ADAM8: variants seen among roughly 807,000 people sequenced by gnomAD.
ADAM8 encodes the protein ADAM metallopeptidase domain 8, also known as disintegrin and metalloproteinase domain-containing protein 8.
A neutral mutation model predicts 102.4 loss-of-function variants in ADAM8; 104 were observed. The observed-to-expected ratio is 1.02, with a 90% CI of 0.87 to 1.20. The LOEUF (loss-of-function observed/expected upper bound fraction) is 1.20. ADAM8 is among the 50% of genes most tolerant of loss of function. ADAM8 has a pLI of 0.00. For missense variants in ADAM8, 1,132 were observed against 1,159.0 expected (o/e 0.98, Z 0.34); for synonymous variants, 517 against 485.2 (o/e 1.07, Z -0.86).
chr10:133,264,278 C>G (rs1002891218), intron 21 of ADAM8, among the ~76,000 whole-genome samples: 4 of 151,954 alleles, frequency 2.6e-5, no homozygotes, highest in Admixed American at 2.0e-4. Flanking sequence ...CCAGGCTGGT[C>G]TTGAACTCCT....
In ADAM8 at chr10:133,268,926, T is replaced by A. The variant is rs1589804392; in HGVS notation, c.1949-64A>T. On this transcript the variant is annotated intron_variant, in intron 18 of 22. Coordinates refer to ENST00000445355, the MANE Select transcript of ADAM8 (RefSeq NM_001109.5). Reference sequence around the variant, plus strand: ...CGACCTCAGGCAGGAGCCAGGGAGGTTCCCAGAGACACGGTCTTTCTCAGC... The same window carrying A: ...CGACCTCAGGCAGGAGCCAGGGAGGATCCCAGAGACACGGTCTTTCTCAGC... The A allele has an allele frequency of 4.5e-6, 7 of 1,562,678 alleles. No individual in the cohort carries two copies. The South Asian group carries it at 8.0e-5, about 18-fold the overall frequency.
At chr10:133,267,617 C>G (rs1846366633) in intron 20 of ADAM8, among the ~76,000 whole-genome samples, 200 bp from the exon 21 acceptor site, 1 of 152,232 alleles carries the variant, frequency 6.6e-6, no homozygotes. Flanking sequence ...GGCCGGAGAG[C>G]ATTTGTGTCT....
In ADAM8 at chr10:133,275,556, C is replaced by T. The variant is rs546199980; in HGVS notation, c.78G>A (p.Met26Ile). ...ACGGCAACACGACCTCATACTGCTC[C>T]ATGAGGGCCCAGGGCCGGCTGGGGG... ...AIAPSRPWAL[M>I]EQYEVVLPWR... The change falls in exon 2 of 23, where the codon ATG becomes ATA. Residue 26 changes from methionine (M) to isoleucine (I), a missense_variant. Coordinates refer to ENST00000445355, the MANE Select transcript of ADAM8 (RefSeq NM_001109.5). The T allele has an allele frequency of 2.7e-5, 41 of 1,503,462 alleles. No homozygotes were observed. The East Asian group carries it at 8.5e-4, about 31-fold the overall frequency. The allele number at this position is 1,503,462 out of a possible 1,614,324, so 93.1% of individuals were successfully genotyped here.
Position 133,273,300 on chromosome 10 carries a change from C to A in ADAM8, c.527G>T (p.Ser176Ile). The A allele has an allele frequency of 1.9e-6, 3 of 1,593,172 alleles. No homozygotes were observed. The highest frequency in any genetic ancestry group is 1.1e-5 in the South Asian group (1 of 88,528). ...TCGVSDDSLG[S>I]LLGPRTAAVF... ...GGCTGCCGTCCGGGGTCCCAGGAGG[C>A]TGCCCAGGCTGTCGTCGCTGACCCC... Residue 176 changes from serine (S) to isoleucine (I), a missense_variant, in exon 6 of 23, where the codon AGC (serine) becomes ATC (isoleucine). Coordinates refer to ENST00000445355, the MANE Select transcript of ADAM8 (RefSeq NM_001109.5).
Position 133,271,034 on chromosome 10 carries a change from C to T in ADAM8, c.1411G>A (p.Asp471Asn). Residue 471 changes from aspartate to asparagine, a missense_variant, in exon 14 of 23, where the codon GAC becomes AAC. Physicochemically the swap from Asp to Asn is conservative, Grantham distance 23. Coordinates refer to ENST00000445355, the MANE Select transcript of ADAM8 (RefSeq NM_001109.5). ...PAGELCRPKK[D>N]MCDLEEFCDG... ...CAGAACTCCTCGAGGTCACACATGT[C>T]CTTCTTGGGACGGCACAGCTCACCA... The T allele has an allele frequency of 6.2e-7, 1 of 1,612,674 alleles. No individual in the cohort carries two copies. The highest frequency in any genetic ancestry group is 8.5e-7 in the Non-Finnish European group (1 of 1,179,946).
chr10:133,265,661 G>A (rs550929422), intron 21 of ADAM8, among the ~76,000 whole-genome samples: 2 of 152,218 alleles, frequency 1.3e-5, no homozygotes, highest in South Asian at 4.2e-4. Flanking sequence ...GCCAGGCATG[G>A]TCGCGGGCAC....
At chr10:133,272,365 GCCC>G in intron 9 of ADAM8, 48 bp downstream of exon 9, 33 of 408,580 alleles carry the variant, frequency 8.1e-5, no homozygotes, top group Non-Finnish European at 1.0e-4. Context: ...ACCCCACCCT[GCCC>G]GCCCTCCCTC....
At chr10:133,266,805 G>A (rs888494908) in intron 21 of ADAM8, among the ~76,000 whole-genome samples, 3 of 152,140 alleles carry the variant, frequency 2.0e-5, no homozygotes, top group Non-Finnish European at 4.4e-5. Flanking sequence ...CTGCCCCCAC[G>A]GGGTCCAAAA....
chr10:133,276,746 C>A (rs1459763793), intron 1 of ADAM8, 26 bp downstream of exon 1: 1 of 1,532,206 alleles, frequency 6.5e-7, no homozygotes, highest in Admixed American at 2.0e-5. Flanking sequence ...GCGCTGCGCC[C>A]GGGACGGTTC....
chr10:133,263,185 G>A lies in ADAM8; in HGVS notation c.2446C>T (p.Gln816Ter), dbSNP rs775336305. The A allele has an allele frequency of 2.5e-6, 4 of 1,613,692 alleles. No homozygotes were observed. In the South Asian group the frequency reaches 4.4e-5, roughly 18 times the overall value. Residue 816 changes from glutamine (Q) to a stop codon, truncating the protein, a stop_gained, in exon 23 of 23, where the codon CAA becomes TAA. Transcript: ENST00000445355. LOFTEE classifies it low-confidence loss of function (END_TRUNC). ...VALKPPIQRK[Q>*]GAGAPTAP ...GGTGCTGTGGGAGCTCCGGCTCCTT[G>A]CTTCCTCTGGATGGGGGGCTTCAGG... is the stretch of plus-strand genomic sequence containing the variant.
In ADAM8 at chr10:133,270,984, C is replaced by G. The variant is rs149612742; in HGVS notation, c.1461G>C (p.Pro487=). The G allele has an allele frequency of 1.2e-6, 2 of 1,612,856 alleles. No homozygotes were observed. The highest frequency in any genetic ancestry group is 2.2e-5 in the South Asian group (2 of 91,090). Residue 487 remains proline, a synonymous_variant, in exon 14 of 23, where the codon CCG becomes CCC. Coordinates refer to ENST00000445355, the MANE Select transcript of ADAM8 (RefSeq NM_001109.5). ...EFCDGRHPEC[P]EDAFQENGTP... ...TGCCGTTCTCCTGGAAGGCGTCTTC[C>G]GGGCACTCAGGGTGCCGGCCGTCAC...
rs534723514 is a variant in ADAM8 at position 133,268,836 on chromosome 10, C to A, written c.1975G>T (p.Val659Leu). 9 of 1,609,716 alleles carry A rather than the reference C, an allele frequency of 5.6e-6. No homozygotes were observed. The African/African-American group carries it at 8.0e-5, about 14-fold the overall frequency. The change falls in exon 19 of 23, where the codon GTG (valine) becomes TTG (leucine). Residue 659 changes from valine to leucine, a missense_variant. Val to Leu is a conservative substitution (Grantham distance 32). Transcript: ENST00000445355. ...ACTGCCAGGAGCACCAGAACCACCA[C>A]CACGAAGACGGGGAGGCTCCCGGAC... is the stretch of plus-strand genomic sequence containing the variant. ...AASGSLPVFV[V>L]VVLVLLAVVL... is the part of the protein sequence containing the mutation.
chr10:133,272,122 T>G (rs758094306), intron 10 of ADAM8, 71 bp downstream of exon 10: 1 of 1,515,898 alleles, frequency 6.6e-7, no homozygotes, highest in Admixed American at 2.0e-5. Context: ...TCCAGAGACC[T>G]GGACCGAGGC....
At chr10:133,274,357 G>T in intron 2 of ADAM8, 122 bp from the exon 3 acceptor site, 3 of 752,702 alleles carry the variant, frequency 4.0e-6, no homozygotes, top group Non-Finnish European at 5.7e-6. Flanking sequence ...CCAGGTCAAG[G>T]CTCCATCCTG....
chr10:133,263,398 A>T (rs1348211078), intron 22 of ADAM8, among the ~76,000 whole-genome samples, 165 bp from the exon 23 acceptor site: 1 of 152,232 alleles, frequency 6.6e-6, no homozygotes, highest in Non-Finnish European at 1.5e-5. Context: ...TGGCAGTCAC[A>T]ATATATACAG....
chr10:133,271,004 C>A lies in ADAM8; in HGVS notation c.1441G>T (p.Gly481Cys). 1.9e-6 allele frequency: 3 copies of A among 1,612,834 alleles called. No individual in the cohort carries two copies. Among genetic ancestry groups the A allele is most frequent in the South Asian group, 1.1e-5 (1 of 91,088 alleles). The stretch of plus-strand genomic sequence containing the variant: ...TCTTCCGGGCACTCAGGGTGCCGGC[C>A]GTCACAGAACTCCTCGAGGTCACAC... ...DMCDLEEFCD[G>C]RHPECPEDAF... The change falls in exon 14 of 23, where the codon GGC becomes TGC. Residue 481 changes from glycine to cysteine, a missense_variant. By Grantham distance (159) the Gly-to-Cys change is radical. Transcript: ENST00000445355.
chr10:133,267,209 A>G (rs1165586593), intron 21 of ADAM8, 143 bp downstream of exon 21: 8 of 882,688 alleles, frequency 9.1e-6, no homozygotes, highest in Non-Finnish European at 1.3e-5. Context: ...TGATGTCCTC[A>G]CGAGGTCGGG....
At chr10:133,272,165 T>C in intron 10 of ADAM8, 28 bp downstream of exon 10, 1 of 1,548,566 alleles carries the variant, frequency 6.5e-7, no homozygotes. Flanking sequence ...GGCCTCGGCC[T>C]GGCAAACCCG....
At chr10:133,263,262 G>T in intron 22 of ADAM8, 29 bp from the exon 23 acceptor site, 2 of 1,565,704 alleles carry the variant, frequency 1.3e-6, no homozygotes, top group Non-Finnish European at 1.7e-6. Flanking sequence ...AATTGATGTT[G>T]AAAAACTACC....
Sources: allele counts gnomAD v4.1 joint callset (sites outside exome capture counted in the v4.1 genomes callset), GRCh38; gene constraint gnomAD v4.1.1; transcripts MANE v1.5; gene names NCBI Gene and HGNC (gene_info 2026-07-23, HGNC 2026-07-21).